NCOA2: variants seen among roughly 807,000 people sequenced by gnomAD.
NCOA2 encodes the protein class E basic helix-loop-helix protein 75.
A neutral mutation model predicts 145.1 loss-of-function variants in NCOA2; 21 were observed. The ratio of observed to expected loss-of-function variants is 0.14; its 90% confidence interval spans 0.10 to 0.21. NCOA2 has a LOEUF of 0.21. Ranked by LOEUF, NCOA2 falls within the 10% of genes least tolerant of loss-of-function variation. The pLI, the probability that NCOA2 is intolerant of heterozygous loss-of-function variation, is 1.00. For synonymous variants in NCOA2, 619 were observed against 637.5 expected (o/e 0.97, Z 0.44); for missense variants, 1,472 against 1,837.6 (o/e 0.80, Z 3.64).
intron 2 of NCOA2, among the ~76,000 whole-genome samples, chr8:70,233,409 G>T (rs1821323336): frequency 6.6e-6 from 1 of 152,146 alleles, no homozygotes; most frequent in South Asian, 2.1e-4. Context: ...ACTGCCAAAT[G>T]AATTACAAAA....
the NCOA2 span, among the ~76,000 whole-genome samples, chr8:70,451,233 A>ATATATATATATATATATATAT: frequency 1.2e-5 from 1 of 85,732 alleles, no homozygotes; most frequent in African/African-American, 4.4e-5. Flanking sequence ...AAAAAAAAAA[A>ATATATATATATATATATATAT]AAAAATATAT....
intron 2 of NCOA2, among the ~76,000 whole-genome samples, chr8:70,218,091 C>G (rs1819799205): frequency 1.3e-5 from 2 of 152,008 alleles, no homozygotes; most frequent in Admixed American, 6.5e-5. Context: ...TAACGCGTAC[C>G]AGTCAAACCG....
At chr8:70,191,024 C>T (rs1357285356) in intron 4 of NCOA2, among the ~76,000 whole-genome samples, 1 of 151,872 alleles carries the variant, frequency 6.6e-6, no homozygotes, top group Non-Finnish European at 1.5e-5. Context: ...CTGGTAGGTA[C>T]ATGACTTTGA....
intron 1 of NCOA2, among the ~76,000 whole-genome samples, chr8:70,297,516 A>C (rs185965882): frequency 2.0e-5 from 3 of 152,186 alleles, no homozygotes; most frequent in Non-Finnish European, 4.4e-5. Flanking sequence ...TATTTTTTGT[A>C]GTGGTAGGGT....
chr8:70,391,175 T>G (rs1813168724), intron 1 of NCOA2, among the ~76,000 whole-genome samples: 1 of 152,148 alleles, frequency 6.6e-6, no homozygotes, highest in Non-Finnish European at 1.5e-5. Flanking sequence ...TATGAAGTAG[T>G]CAAGTATTCA....
intron 2 of NCOA2, among the ~76,000 whole-genome samples, chr8:70,280,874 G>C (rs1586354718): frequency 6.6e-6 from 1 of 151,872 alleles, no homozygotes; most frequent in East Asian, 1.9e-4. Flanking sequence ...ATCGTTGAGG[G>C]CTTCCCACTC....
At chr8:70,305,049 C>A (rs78317977) in intron 1 of NCOA2, among the ~76,000 whole-genome samples, 25 of 128,378 alleles carry the variant, frequency 1.9e-4, no homozygotes, top group Non-Finnish European at 6.7e-5. Flanking sequence ...TTTATTCATT[C>A]TTTTTTTTTT....
the NCOA2 span, among the ~76,000 whole-genome samples, chr8:70,429,796 A>T: frequency 2.0e-5 from 3 of 152,236 alleles, no homozygotes; most frequent in Non-Finnish European, 4.4e-5. Context: ...AAAAGAATGT[A>T]GGGCTTTAAT....
chr8:70,285,172 G>A (rs2135538537), intron 2 of NCOA2, among the ~76,000 whole-genome samples: 1 of 152,206 alleles, frequency 6.6e-6, no homozygotes, highest in East Asian at 1.9e-4. Context: ...TCAACTAGAG[G>A]TATTCTTCAA....
the NCOA2 span, among the ~76,000 whole-genome samples, chr8:70,442,376 A>ATTT: frequency 1.1e-4 from 17 of 152,168 alleles, no homozygotes; most frequent in African/African-American, 4.1e-4. Context: ...GGATGTATTT[A>ATTT]CACATAAATC....
intron 1 of NCOA2, among the ~76,000 whole-genome samples, chr8:70,319,163 A>G (rs145995725): frequency 6.6e-6 from 1 of 152,322 alleles, no homozygotes; most frequent in African/African-American, 2.4e-5. Flanking sequence ...AGGGAGAGAA[A>G]CTATTGGGAA....
intron 4 of NCOA2, among the ~76,000 whole-genome samples, chr8:70,198,395 C>T (rs1192557142): frequency 2.0e-5 from 3 of 152,126 alleles, no homozygotes; most frequent in South Asian, 2.1e-4. Flanking sequence ...GAGCAGGAGA[C>T]AGCCTGGAAA....
chr8:70,177,115 T>C (rs1814942571), intron 4 of NCOA2, among the ~76,000 whole-genome samples: 1 of 152,204 alleles, frequency 6.6e-6, no homozygotes, highest in Admixed American at 6.5e-5. Context: ...AGGGGTCGCA[T>C]CAGGGGTCAC....
At chr8:70,195,917 T>C (rs1161700840) in intron 4 of NCOA2, among the ~76,000 whole-genome samples, 1 of 151,988 alleles carries the variant, frequency 6.6e-6, no homozygotes, top group Non-Finnish European at 1.5e-5. Context: ...GTGAGAAGAG[T>C]GGCCCAGAAG....
chr8:70,222,876 T>C (rs1820280437), intron 2 of NCOA2, among the ~76,000 whole-genome samples: 1 of 152,214 alleles, frequency 6.6e-6, no homozygotes, highest in South Asian at 2.1e-4. Context: ...ATTACCAACA[T>C]GGGCGAAAAT....
At chr8:70,184,437 G>C (rs894718215) in intron 4 of NCOA2, among the ~76,000 whole-genome samples, 3 of 152,176 alleles carry the variant, frequency 2.0e-5, no homozygotes, top group African/African-American at 7.2e-5. Context: ...CAGGATAAAA[G>C]AGCACTTCAT....
chr8:70,183,169 T>C (rs1424530508), intron 4 of NCOA2, among the ~76,000 whole-genome samples: 1 of 152,142 alleles, frequency 6.6e-6, no homozygotes, highest in Non-Finnish European at 1.5e-5. Context: ...GAATCATAAT[T>C]TGCTTAGAAA....
At chr8:70,262,585 A>G (rs1310234293) in intron 2 of NCOA2, among the ~76,000 whole-genome samples, 2 of 152,240 alleles carry the variant, frequency 1.3e-5, no homozygotes, top group Non-Finnish European at 2.9e-5. Context: ...AGGCAAGGCC[A>G]GGTCTCTCAA....
In NCOA2 at chr8:70,131,998, G is replaced by T. The variant is rs1352672295; in HGVS notation, c.3163C>A (p.Pro1055Thr). 1.9e-6 allele frequency: 3 copies of T among 1,611,350 alleles called. No homozygotes were observed. The highest frequency in any genetic ancestry group is 2.5e-6 in the Non-Finnish European group (3 of 1,178,934). ...QASFASQNRQ[P>T]FGSSPDDLLC... ...AAGTCATCTGGAGAACTGCCAAATG[G>T]CTGCCTGTAAAGACAGAAATGTCAC... Residue 1055 changes from proline (P) to threonine (T), a missense_variant, in exon 16 of 23, where the codon CCA (proline) becomes ACA (threonine). Physicochemically the swap from Pro to Thr is conservative, Grantham distance 38. Coordinates refer to ENST00000452400, the MANE Select transcript of NCOA2 (RefSeq NM_006540.4).
Sources: gnomAD v4.1 joint callset for allele counts (sites outside exome capture counted in the v4.1 genomes callset) on GRCh38, gnomAD v4.1.1 for gene constraint, MANE v1.5 for transcripts, NCBI Gene and HGNC (gene_info 2026-07-23, HGNC 2026-07-21) for gene names.